Variants in TOX observed in about 807,000 individuals in gnomAD.
TOX encodes thymocyte selection-associated high mobility group box protein TOX.
A neutral mutation model predicts 53.7 loss-of-function variants in TOX; 11 were observed. The observed-to-expected ratio is 0.20, with a 90% CI of 0.13 to 0.34. The LOEUF is 0.34. TOX is among the 10% of genes least tolerant of loss of function. The pLI is 1.00. For synonymous variants in TOX, 225 were observed against 245.3 expected (o/e 0.92, Z 0.77); for missense variants, 570 against 664.6 (o/e 0.86, Z 1.56).
chr8:58,994,362 C>A (rs1813514333), intron 1 of TOX, among the ~76,000 whole-genome samples: 1 of 150,938 alleles, frequency 6.6e-6, no homozygotes, highest in Admixed American at 6.6e-5. Flanking sequence ...TCATATATCC[C>A]TATTTAGTTT....
Position 58,827,746 on chromosome 8 carries a change from T to C in TOX, c.925-844A>G, listed in dbSNP as rs536839136. Reference sequence around the variant, plus strand: ...ACTTGCTTGTATGCTAAAGGTCACATTGCTAAGTTAAACAGTGAGCAGTCA... The same window carrying C: ...ACTTGCTTGTATGCTAAAGGTCACACTGCTAAGTTAAACAGTGAGCAGTCA... On this transcript the variant is annotated intron_variant, in intron 5 of 8. Transcript: ENST00000361421. 3.9e-5 allele frequency among the ~76,000 whole-genome samples: 6 copies of C among 152,316 alleles called. No homozygotes were observed. In the South Asian group the frequency reaches 1.2e-3, roughly 32 times the overall value.
chr8:58,814,891 G>A (rs1439425256), intron 7 of TOX, among the ~76,000 whole-genome samples: 1 of 152,146 alleles, frequency 6.6e-6, no homozygotes, highest in Non-Finnish European at 1.5e-5. Flanking sequence ...TCATTTTTCA[G>A]CATTTATTGG....
At chr8:59,025,042 G>A (rs550196837) in intron 1 of TOX, among the ~76,000 whole-genome samples, 3 of 152,190 alleles carry the variant, frequency 2.0e-5, no homozygotes, top group Admixed American at 6.5e-5. Context: ...ACCACAAAGC[G>A]GCATTTCAGA....
At chr8:59,035,816 G>A (rs1441419990) in intron 1 of TOX, among the ~76,000 whole-genome samples, 1 of 152,222 alleles carries the variant, frequency 6.6e-6, no homozygotes, top group Non-Finnish European at 1.5e-5. Flanking sequence ...TGCAAAGAAG[G>A]ACAATGACAG....
intron 2 of TOX, among the ~76,000 whole-genome samples, chr8:58,953,181 C>A (rs1314226331): frequency 6.6e-6 from 1 of 151,942 alleles, no homozygotes; most frequent in Non-Finnish European, 1.5e-5. Flanking sequence ...AGTTCAACAA[C>A]ATCAATGTGG....
At chr8:58,857,955 A>G (rs1810943321) in intron 3 of TOX, among the ~76,000 whole-genome samples, 1 of 152,080 alleles carries the variant, frequency 6.6e-6, no homozygotes, top group African/African-American at 2.4e-5. Context: ...TTTTTAGTAA[A>G]GACAGGGTTT....
intron 1 of TOX, among the ~76,000 whole-genome samples, chr8:59,032,705 T>C (rs549652701): frequency 1.3e-5 from 2 of 152,282 alleles, no homozygotes; most frequent in South Asian, 2.1e-4. Flanking sequence ...CTCAATTTTA[T>C]ATAATAAGAA....
chr8:59,052,073 A>G (rs897557776), intron 1 of TOX, among the ~76,000 whole-genome samples: 1 of 152,200 alleles, frequency 6.6e-6, no homozygotes, highest in East Asian at 1.9e-4. Context: ...CAAAGCTTAC[A>G]AAGAAAATTC....
At chr8:58,857,042 T>G (rs1053608132) in intron 3 of TOX, among the ~76,000 whole-genome samples, 7 of 152,232 alleles carry the variant, frequency 4.6e-5, no homozygotes, top group African/African-American at 1.7e-4. Context: ...TGGGAGAGAA[T>G]TTATTTTGTT....
intron 3 of TOX, among the ~76,000 whole-genome samples, chr8:58,852,244 C>T (rs1385355225): frequency 1.3e-5 from 2 of 152,030 alleles, no homozygotes; most frequent in Admixed American, 1.3e-4. Flanking sequence ...ATTCATTAAA[C>T]CCTGTTTGTT....
intron 2 of TOX, among the ~76,000 whole-genome samples, chr8:58,956,692 C>T (rs187353395): frequency 5.9e-5 from 9 of 152,290 alleles, no homozygotes; most frequent in East Asian, 3.9e-4. Flanking sequence ...ACCTCCACCT[C>T]GTGGGTTCAA....
chr8:58,883,725 G>GTT (rs544934871), intron 3 of TOX, among the ~76,000 whole-genome samples: 4 of 148,502 alleles, frequency 2.7e-5, no homozygotes. Context: ...TCATTCGTAT[G>GTT]TTTTTTTTTT....
At chr8:59,034,379 C>G (rs1563424995) in intron 1 of TOX, among the ~76,000 whole-genome samples, 1 of 152,252 alleles carries the variant, frequency 6.6e-6, no homozygotes. Context: ...GGCATCTACT[C>G]CCAGCTCAAC....
At chr8:59,001,821 A>C (rs971749871) in intron 1 of TOX, among the ~76,000 whole-genome samples, 2 of 152,256 alleles carry the variant, frequency 1.3e-5, no homozygotes, top group South Asian at 4.1e-4. Context: ...GAAAAAAACA[A>C]ATCAAAAGAG....
chr8:59,002,368 G>A (rs7838024), intron 1 of TOX, among the ~76,000 whole-genome samples: 74,996 of 150,396 alleles, frequency 0.5, 20,794 homozygotes, highest in Non-Finnish European at 0.61. Context: ...CGAGGAGGGC[G>A]GATCACGAGG....
At chr8:59,044,806 C>T (rs35611978) in intron 1 of TOX, among the ~76,000 whole-genome samples, 10,702 of 152,158 alleles carry the variant, frequency 0.07, 420 homozygotes, top group East Asian at 0.2. Context: ...CTTAAATGTC[C>T]CCTTCAAGGG....
intron 1 of TOX, among the ~76,000 whole-genome samples, chr8:59,058,941 A>C (rs536709091): frequency 2.6e-5 from 4 of 152,332 alleles, no homozygotes; most frequent in African/African-American, 9.6e-5. Flanking sequence ...AATCTTGCAC[A>C]TCAAGCACAC....
intron 6 of TOX, among the ~76,000 whole-genome samples, chr8:58,818,831 C>T (rs183342760): frequency 8.5e-5 from 13 of 152,318 alleles, no homozygotes; most frequent in Admixed American, 5.2e-4. Context: ...TCCGCTCTGT[C>T]CTTTGGTTAG....
chr8:58,886,086 C>T (rs1414622449), intron 3 of TOX, among the ~76,000 whole-genome samples: 1 of 152,042 alleles, frequency 6.6e-6, no homozygotes, highest in Non-Finnish European at 1.5e-5. Flanking sequence ...CAGTTGATTG[C>T]TATTACAGAG....
Sources: allele counts gnomAD v4.1 joint callset (sites outside exome capture counted in the v4.1 genomes callset), GRCh38; gene constraint gnomAD v4.1.1; transcripts MANE v1.5; gene names NCBI Gene and HGNC (gene_info 2026-07-23, HGNC 2026-07-21).